DLG2: variants seen among roughly 807,000 people sequenced by gnomAD.
DLG2 encodes disks large homolog 2.
In DLG2, 45 loss-of-function variants were observed where a neutral mutation model predicts 132.5. The observed-to-expected ratio is 0.34, with a 90% CI of 0.27 to 0.44. DLG2 has a LOEUF of 0.44. Ranked by LOEUF, DLG2 falls within the 20% of genes least tolerant of loss-of-function variation. The probability of loss-of-function intolerance (pLI) is 1.00; values close to 1 mark genes in which losing one functional copy is unlikely to be tolerated. For missense variants in DLG2, 1,045 were observed against 1,196.9 expected (o/e 0.87, Z 1.87); for synonymous variants, 424 against 419.6 (o/e 1.01, Z -0.13).
intron 3 of DLG2, among the ~76,000 whole-genome samples, chr11:85,371,416 C>T (rs2084964432): frequency 6.6e-6 from 1 of 152,168 alleles, no homozygotes; most frequent in Non-Finnish European, 1.5e-5. Context: ...TACTCTCTGC[C>T]TGGTTCCTCT....
intron 5 of DLG2, among the ~76,000 whole-genome samples, chr11:85,133,466 G>A (rs2075895993): frequency 6.6e-6 from 1 of 152,096 alleles, no homozygotes; most frequent in Non-Finnish European, 1.5e-5. Flanking sequence ...GCAATTACAA[G>A]GGCAGCTTCT....
At chr11:84,757,795 T>A (rs993770225) in intron 6 of DLG2, among the ~76,000 whole-genome samples, 1 of 152,210 alleles carries the variant, frequency 6.6e-6, no homozygotes, top group African/African-American at 2.4e-5. Context: ...TTGCTTCCAG[T>A]GATACTGCTT....
intron 17 of DLG2, among the ~76,000 whole-genome samples, chr11:83,824,182 C>G (rs915776326): frequency 9.2e-5 from 14 of 152,150 alleles, no homozygotes; most frequent in Admixed American, 7.9e-4. Flanking sequence ...CATTTTATCT[C>G]CAATTCTCTA....
At chr11:85,386,187 C>T (rs934396798) in intron 3 of DLG2, among the ~76,000 whole-genome samples, 1 of 152,182 alleles carries the variant, frequency 6.6e-6, no homozygotes, top group South Asian at 2.1e-4. Flanking sequence ...CACATTCTAG[C>T]TGTGTGATTT....
chr11:84,231,665 G>A (rs1334927560), intron 8 of DLG2, among the ~76,000 whole-genome samples: 1 of 152,158 alleles, frequency 6.6e-6, no homozygotes, highest in African/African-American at 2.4e-5. Flanking sequence ...TAAAAACTCT[G>A]AAATATCATA....
In DLG2 at chr11:83,455,768, A is replaced by G. The variant is rs962353634; in HGVS notation, c.*4050T>C. The G allele has an allele frequency of 4.6e-5, 7 of 152,678 alleles. No homozygotes were observed. Among genetic ancestry groups the G allele is most frequent in the Non-Finnish European group, 8.8e-5 (6 of 68,052 alleles). The allele number at this position is 152,678 out of a possible 1,614,324, so 9.5% of individuals were successfully genotyped here. On this transcript the variant is annotated 3_prime_UTR_variant, in exon 28 of 28. Transcript: ENST00000376104. ...ATACATACACAGAAGTAAAATGTAT[A>G]TCACAGAATTCTGTAGGGAGTCCCC...
At chr11:85,540,657 T>C (rs964478362) in intron 3 of DLG2, among the ~76,000 whole-genome samples, 8 of 152,216 alleles carry the variant, frequency 5.3e-5, no homozygotes, top group African/African-American at 9.6e-5. Context: ...GAGGCTCTAA[T>C]TGGGCGGATT....
intron 3 of DLG2, among the ~76,000 whole-genome samples, chr11:85,592,730 C>T (rs889733523): frequency 6.6e-6 from 1 of 152,084 alleles, no homozygotes; most frequent in African/African-American, 2.4e-5. Flanking sequence ...GTGGGAGAAT[C>T]ACTTGAGCCC....
chr11:83,971,594 A>G (rs1271118040), intron 12 of DLG2, among the ~76,000 whole-genome samples: 1 of 152,164 alleles, frequency 6.6e-6, no homozygotes, highest in Non-Finnish European at 1.5e-5. Flanking sequence ...GAATATCAGT[A>G]TGGTGGGATG....
chr11:85,157,110 C>G lies in DLG2; in HGVS notation c.187-2459G>C, dbSNP rs1366852200. On this transcript the variant is annotated intron_variant, in intron 4 of 27. Transcript: ENST00000376104. ...ACACGAAAAGATTAGACTGGCCTAG[C>G]CTCCCAGCCTACATCCTTCTCCCAT... Among the ~76,000 whole-genome samples the G allele has an allele frequency of 2.6e-5, 4 of 152,260 alleles. No individual in the cohort carries two copies. In the South Asian group the frequency reaches 8.3e-4, roughly 32 times the overall value.
chr11:83,520,695 G>GATAGA (rs1565616703), intron 21 of DLG2, among the ~76,000 whole-genome samples: 2,737 of 149,112 alleles, frequency 0.018, 51 homozygotes, highest in Middle Eastern at 0.051. Flanking sequence ...AAGTAGGTAG[G>GATAGA]TAGATAGATA....
intron 11 of DLG2, among the ~76,000 whole-genome samples, chr11:84,057,248 T>G (rs1039815258): frequency 2.0e-5 from 3 of 152,168 alleles, no homozygotes; most frequent in African/African-American, 7.2e-5. Flanking sequence ...TCTATAGCCT[T>G]TAAGTGCTCT....
intron 7 of DLG2, among the ~76,000 whole-genome samples, chr11:84,254,495 G>T (rs1444174087): frequency 6.6e-6 from 1 of 152,092 alleles, no homozygotes; most frequent in Admixed American, 6.5e-5. Flanking sequence ...TTGACTAAAG[G>T]TAGTGATAAA....
intron 6 of DLG2, among the ~76,000 whole-genome samples, chr11:84,576,523 A>G (rs1045890346): frequency 6.6e-6 from 1 of 152,170 alleles, no homozygotes; most frequent in Non-Finnish European, 1.5e-5. Flanking sequence ...AGTTTTTGAA[A>G]TAAAGTGTCT....
chr11:84,313,394 G>A lies in DLG2; in HGVS notation c.520-62103C>T, dbSNP rs1429707597. On this transcript the variant is annotated intron_variant, in intron 7 of 27. Coordinates refer to ENST00000376104, the MANE Select transcript of DLG2 (RefSeq NM_001142699.3). ...CCTCCCAAGTGCTGGGATTACAGGCGTGAGTCACCACACTCAGCCTGTTTA... is the reference window on the plus strand; with the variant it reads ...CCTCCCAAGTGCTGGGATTACAGGCATGAGTCACCACACTCAGCCTGTTTA... Among the ~76,000 whole-genome samples, 12 of 152,052 alleles carry A rather than the reference G, an allele frequency of 7.9e-5. No individual in the cohort carries two copies. In the South Asian group the frequency reaches 1.7e-3, roughly 21 times the overall value.
chr11:83,719,856 A>G (rs1269081619), intron 18 of DLG2, among the ~76,000 whole-genome samples: 4 of 152,182 alleles, frequency 2.6e-5, no homozygotes, highest in African/African-American at 9.7e-5. Flanking sequence ...GACAGTCAAT[A>G]AGGAGACAGG....
intron 2 of DLG2, among the ~76,000 whole-genome samples, chr11:85,619,195 T>C (rs113967606): frequency 6.6e-6 from 1 of 152,138 alleles, no homozygotes; most frequent in Non-Finnish European, 1.5e-5. Flanking sequence ...GAATTTCTTT[T>C]AAAATAAAAA....
rs149421764 is a variant in DLG2, at chr11:83,758,053, T to C, written c.1825+28637A>G. On this transcript the variant is annotated intron_variant, in intron 18 of 27. Coordinates refer to ENST00000376104, the MANE Select transcript of DLG2 (RefSeq NM_001142699.3). Reference sequence around the variant, plus strand: ...AGAAATGGTTATATGGAAGTAATCATACAGAGATTCAAATAAAATTTTTGC... The same window carrying C: ...AGAAATGGTTATATGGAAGTAATCACACAGAGATTCAAATAAAATTTTTGC... Among the ~76,000 whole-genome samples the C allele has an allele frequency of 5.1e-4, 78 of 152,328 alleles. No homozygotes were observed. The East Asian group carries it at 5.2e-3, about 10-fold the overall frequency.
At chr11:83,926,266 T>C (rs985432014) in intron 15 of DLG2, among the ~76,000 whole-genome samples, 4 of 152,206 alleles carry the variant, frequency 2.6e-5, no homozygotes, top group Non-Finnish European at 4.4e-5. Flanking sequence ...GACTAACCTT[T>C]ATTCTTCTAA....
Sources: gnomAD v4.1 joint callset for allele counts (sites outside exome capture counted in the v4.1 genomes callset) on GRCh38, gnomAD v4.1.1 for gene constraint, MANE v1.5 for transcripts, NCBI Gene and HGNC (gene_info 2026-07-23, HGNC 2026-07-21) for gene names.